Variants in TBCA observed in about 807,000 individuals in gnomAD.
The protein encoded by TBCA is tubulin folding cofactor A.
A neutral mutation model predicts 15.8 loss-of-function variants in TBCA; 6 were observed. The ratio of observed to expected loss-of-function variants is 0.38; its 90% CI spans 0.21 to 0.75. TBCA has a LOEUF of 0.75. Ranked by LOEUF, TBCA falls within the 30% of genes least tolerant of loss-of-function variation. TBCA has a pLI of 0.46. For missense variants in TBCA, 90 were observed against 131.2 expected, an observed-to-expected ratio of 0.69 and a Z score of 1.53; for synonymous variants, 32 against 42.3, an observed-to-expected ratio of 0.76 and a Z score of 0.94.
At chr5:77,757,158 G>A (rs1747495091) in intron 1 of TBCA, among the ~76,000 whole-genome samples, 3 of 152,094 alleles carry the variant, frequency 2.0e-5, no homozygotes, top group Non-Finnish European at 2.9e-5. Flanking sequence ...GGTAGAGTTG[G>A]TCAAATCTGA....
intron 1 of TBCA, among the ~76,000 whole-genome samples, chr5:77,755,634 T>C (rs1747456416): frequency 6.6e-6 from 1 of 152,058 alleles, no homozygotes; most frequent in Non-Finnish European, 1.5e-5. Flanking sequence ...ACAGACCTAA[T>C]ATGTAACTAG....
At position 77,741,331 on chromosome 5, in the gene TBCA, G is replaced by C. The variant is rs182180212; in HGVS notation, c.54-32984C>G. ...GAAACTGGTAGAGGTTAGAGACACA[G>C]GATTAAGAAAAGACAAACACACAGG... On this transcript the variant is annotated intron_variant, in intron 1 of 3. Transcript: ENST00000380377. Among the ~76,000 whole-genome samples the C allele has an allele frequency of 8.5e-4, 129 of 152,262 alleles. 3 individuals carry two copies. In the East Asian group the frequency reaches 0.024, roughly 28 times the overall value.
Position 77,768,545 on chromosome 5 carries a change from T to C in TBCA, c.53+7660A>G, listed in dbSNP as rs192158753. On this transcript the variant is annotated intron_variant, in intron 1 of 3. Transcript: ENST00000380377. ...AATATAGTAATTGATTCAGTGGCTCTCTACTGCTTATCCGATCAGGTTCAA... is the reference window on the plus strand; with the variant it reads ...AATATAGTAATTGATTCAGTGGCTCCCTACTGCTTATCCGATCAGGTTCAA... Among the ~76,000 whole-genome samples, 364 of 152,356 alleles carry C rather than the reference T, an allele frequency of 2.4e-3. 2 individuals are homozygous for C. The highest frequency in any genetic ancestry group is 6.6e-3 in the Admixed American group (101 of 15,300).
intron 1 of TBCA, among the ~76,000 whole-genome samples, chr5:77,728,501 C>T (rs995662008): frequency 6.6e-6 from 1 of 151,982 alleles, no homozygotes; most frequent in Non-Finnish European, 1.5e-5. Flanking sequence ...AAGGAAAGAA[C>T]CATGTAAACC....
intron 1 of TBCA, among the ~76,000 whole-genome samples, chr5:77,712,904 G>A (rs1392374684): frequency 1.3e-5 from 2 of 152,164 alleles, no homozygotes; most frequent in East Asian, 1.9e-4. Context: ...GGTTTTCAAA[G>A]TAAGGGATTA....
rs1318466266 is a variant in TBCA, at chr5:77,776,305, G to T, written c.-48C>A. Reference sequence around the variant, plus strand: ...GGAGGGGCGGAGAGCCGGGGTAACCGTGGAGGGCGACGCGCAGAGGCTGCG... The same window carrying T: ...GGAGGGGCGGAGAGCCGGGGTAACCTTGGAGGGCGACGCGCAGAGGCTGCG... On this transcript the variant is annotated 5_prime_UTR_variant, in exon 1 of 4. Coordinates refer to ENST00000380377, the MANE Select transcript of TBCA (RefSeq NM_004607.3). The T allele has an allele frequency of 6.4e-7, 1 of 1,554,646 alleles. No individual in the cohort carries two copies. Among genetic ancestry groups the T allele is most frequent in the South Asian group, 1.2e-5 (1 of 84,370 alleles).
chr5:77,722,807 T>C (rs1357161975), intron 1 of TBCA, among the ~76,000 whole-genome samples: 1 of 151,830 alleles, frequency 6.6e-6, no homozygotes, highest in East Asian at 1.9e-4. Flanking sequence ...ATATAAACTA[T>C]TCTGTTCAAA....
chr5:77,717,013 A>C (rs374475387), intron 1 of TBCA, among the ~76,000 whole-genome samples: 114 of 152,252 alleles, frequency 7.5e-4, no homozygotes, highest in African/African-American at 2.6e-3. Context: ...GATATAATCC[A>C]TTTTCTCACC....
At chr5:77,716,638 A>T (rs2652211) in intron 1 of TBCA, among the ~76,000 whole-genome samples, 1 of 151,922 alleles carries the variant, frequency 6.6e-6, no homozygotes, top group South Asian at 2.1e-4. Context: ...ATGGAGCTTC[A>T]GTACCTTGTC....
chr5:77,691,842 A>T (rs1166574965), intron 3 of TBCA: 1 of 1,003,536 alleles, frequency 1.0e-6, no homozygotes, highest in Non-Finnish European at 1.2e-6. Flanking sequence ...AGAAAAGTAA[A>T]AAGGAAGATT....
At chr5:77,769,051 G>T (rs1052311581) in intron 1 of TBCA, among the ~76,000 whole-genome samples, 5 of 152,222 alleles carry the variant, frequency 3.3e-5, no homozygotes, top group African/African-American at 1.2e-4. Flanking sequence ...CTGTGATGAT[G>T]AGTGGCCTTA....
chr5:77,736,587 C>T (rs2112475013), intron 1 of TBCA, among the ~76,000 whole-genome samples: 1 of 152,276 alleles, frequency 6.6e-6, no homozygotes, highest in East Asian at 1.9e-4. Context: ...TGCGATGCCC[C>T]CCAAATATAT....
chr5:77,720,895 T>G (rs1483414609), intron 1 of TBCA, among the ~76,000 whole-genome samples: 1 of 152,148 alleles, frequency 6.6e-6, no homozygotes, highest in African/African-American at 2.4e-5. Flanking sequence ...AAAGGTAGCA[T>G]CTGAAAGAGG....
intron 1 of TBCA, among the ~76,000 whole-genome samples, chr5:77,757,181 C>G (rs1321677519): frequency 6.6e-6 from 1 of 151,950 alleles, no homozygotes; most frequent in Non-Finnish European, 1.5e-5. Context: ...GGACAAAGAC[C>G]AGAACAACAA....
intron 1 of TBCA, among the ~76,000 whole-genome samples, chr5:77,761,280 T>TTC (rs1205205847): frequency 6.6e-6 from 1 of 152,180 alleles, no homozygotes; most frequent in Non-Finnish European, 1.5e-5. Context: ...CTCCATTTTG[T>TTC]TCTGTACTAA....
chr5:77,718,506 T>C lies in TBCA; in HGVS notation c.54-10159A>G, dbSNP rs982538757. 2.6e-5 allele frequency among the ~76,000 whole-genome samples: 4 copies of C among 152,136 alleles called. No individual in the cohort carries two copies. The South Asian group carries it at 8.3e-4, about 32-fold the overall frequency. On this transcript the variant is annotated intron_variant, in intron 1 of 3. Coordinates refer to ENST00000380377, the MANE Select transcript of TBCA (RefSeq NM_004607.3). ...TTAAGAATTCTCACTAGTTCCTTAG[T>C]ACGGAAGAACTAAGGTTGACATCAG...
chr5:77,733,320 G>A (rs1746818261), intron 1 of TBCA, among the ~76,000 whole-genome samples: 1 of 152,176 alleles, frequency 6.6e-6, no homozygotes, highest in Non-Finnish European at 1.5e-5. Flanking sequence ...AGCTCAGTGG[G>A]AAAGGCATGT....
At chr5:77,734,895 C>T (rs760944348) in intron 1 of TBCA, among the ~76,000 whole-genome samples, 3 of 152,302 alleles carry the variant, frequency 2.0e-5, no homozygotes, top group Non-Finnish European at 2.9e-5. Flanking sequence ...CAGCCATCAA[C>T]GTTGAGGCAA....
intron 1 of TBCA, among the ~76,000 whole-genome samples, chr5:77,767,097 T>A (rs1747796740): frequency 6.6e-6 from 1 of 152,234 alleles, no homozygotes; most frequent in Non-Finnish European, 1.5e-5. Flanking sequence ...ATACTAGTAA[T>A]GTAAGTTCAA....
Sources: gnomAD v4.1 joint callset for allele counts (sites outside exome capture counted in the v4.1 genomes callset) on GRCh38, gnomAD v4.1.1 for gene constraint, MANE v1.5 for transcripts, NCBI Gene and HGNC (gene_info 2026-07-23, HGNC 2026-07-21) for gene names.